HEATR4: variants seen among roughly 807,000 people sequenced by gnomAD.
HEATR4 encodes the protein HEAT repeat-containing protein 4.
A neutral mutation model predicts 108.8 loss-of-function variants in HEATR4; 95 were observed. The observed-to-expected ratio is 0.87, with a 90% CI of 0.74 to 1.04. The LOEUF (loss-of-function observed/expected upper bound fraction) is 1.04. Among genes scored for constraint, HEATR4 ranks in the 50% least tolerant of loss-of-function variants. HEATR4 has a pLI of 0.00. For synonymous variants in HEATR4, 443 were observed against 459.4 expected (o/e 0.96, Z 0.46); for missense variants, 1,152 against 1,253.8 (o/e 0.92, Z 1.23).
At chr14:73,489,446 ACTGTAGTCTAATATG>A (rs1292902891) in intron 17 of HEATR4, among the ~76,000 whole-genome samples, 2 of 152,234 alleles carry the variant, frequency 1.3e-5, no homozygotes, top group African/African-American at 4.8e-5. Flanking sequence ...GAGGCCATGT[ACTGTAGTCTAATATG>A]CTTATCATTG....
At chr14:73,489,013 A>G (rs527881808) in intron 17 of HEATR4, among the ~76,000 whole-genome samples, 3 of 152,196 alleles carry the variant, frequency 2.0e-5, no homozygotes, top group Non-Finnish European at 4.4e-5. Flanking sequence ...TAACACAGCA[A>G]GACCCTGTCT....
chr14:73,564,865 C>A, the HEATR4 span, among the ~76,000 whole-genome samples: 1 of 151,518 alleles, frequency 6.6e-6, no homozygotes, highest in Non-Finnish European at 1.5e-5. Flanking sequence ...CCACTGCACC[C>A]AGCTACTGGT....
At position 73,532,737 on chromosome 14, in the gene HEATR4, A is replaced by G. The variant is rs537891439; in HGVS notation, c.-151-2493T>C. Among the ~76,000 whole-genome samples the G allele has an allele frequency of 2.3e-4, 26 of 114,436 alleles. 8 individuals are homozygous for G. Among genetic ancestry groups the G allele is most frequent in the East Asian group, 1.4e-3 (2 of 1,448 alleles). 75.1% of individuals were successfully genotyped at this position (114,436 alleles called of 152,430 possible). A position where few individuals can be genotyped will look rare whatever the true frequency, so the allele number is the denominator to read the frequency against. ...TGGGAGGCCAAGGTGGGCAGATCAC[A>G]AGGTCAGGAGATTGAAACCATCCTA... On this transcript the variant is annotated intron_variant, in intron 1 of 17. Transcript: ENST00000553558.
intron 8 of HEATR4, among the ~76,000 whole-genome samples, chr14:73,508,983 C>T (rs1323697323): frequency 2.6e-5 from 4 of 151,986 alleles, no homozygotes; most frequent in African/African-American, 9.7e-5. Flanking sequence ...AGGTCTGCCT[C>T]AGCCTCCTAG....
chr14:73,624,055 G>T, the HEATR4 span, among the ~76,000 whole-genome samples: 1 of 152,124 alleles, frequency 6.6e-6, no homozygotes, highest in Admixed American at 6.6e-5. Context: ...GGGAGCCTGA[G>T]GTGGGAGGAT....
At chr14:73,499,373 C>T (rs1032100764) in intron 12 of HEATR4, among the ~76,000 whole-genome samples, 1 of 151,956 alleles carries the variant, frequency 6.6e-6, no homozygotes, top group Non-Finnish European at 1.5e-5. Context: ...CCCAGCTACT[C>T]GGAGGCTGAG....
chr14:73,532,799 CA>C (rs1355460741), intron 1 of HEATR4, among the ~76,000 whole-genome samples: 1 of 111,630 alleles, frequency 9.0e-6, no homozygotes. Context: ...CTAAAACATA[CA>C]AAAAAATTAG....
chr14:73,548,309 A>G (rs1198278089), intron 1 of HEATR4, among the ~76,000 whole-genome samples: 1 of 115,044 alleles, frequency 8.7e-6, no homozygotes, highest in Non-Finnish European at 1.9e-5. Context: ...ATTTGCAAAT[A>G]TTTCCACTCT....
the HEATR4 span, among the ~76,000 whole-genome samples, chr14:73,589,747 G>GC: frequency 6.6e-6 from 1 of 152,308 alleles, no homozygotes; most frequent in African/African-American, 2.4e-5. Context: ...CAACAACGAA[G>GC]CCACAGACCC....
the HEATR4 span, chr14:73,573,346 A>G: frequency 1.3e-4 from 209 of 1,612,300 alleles, 6 homozygotes; most frequent in South Asian, 2.3e-3. Flanking sequence ...CAACTGTTTC[A>G]GGAATAGCTT....
chr14:73,586,194 G>C, the HEATR4 span, among the ~76,000 whole-genome samples: 1 of 151,678 alleles, frequency 6.6e-6, no homozygotes, highest in Non-Finnish European at 1.5e-5. Flanking sequence ...GGGAGTTCAA[G>C]ACCAGCCTGA....
the HEATR4 span, among the ~76,000 whole-genome samples, chr14:73,587,755 C>G: frequency 1.3e-5 from 2 of 152,220 alleles, no homozygotes; most frequent in Non-Finnish European, 1.5e-5. Flanking sequence ...TCTCCCCTGA[C>G]TTGTTTCCAC....
At chr14:73,496,555 G>A in intron 15 of HEATR4, 46 bp downstream of exon 15, 1 of 1,193,850 alleles carries the variant, frequency 8.4e-7, no homozygotes, top group Admixed American at 1.7e-5. Flanking sequence ...AGGAACTCTT[G>A]AGAGTCCTGA....
the HEATR4 span, among the ~76,000 whole-genome samples, chr14:73,601,964 G>A: frequency 1.3e-5 from 2 of 150,144 alleles, no homozygotes; most frequent in East Asian, 1.9e-4. Flanking sequence ...TTTTTGAGAC[G>A]GAGTCTAAAT....
the HEATR4 span, chr14:73,595,671 T>C: frequency 2.0e-6 from 3 of 1,511,128 alleles, no homozygotes; most frequent in Non-Finnish European, 2.7e-6. Flanking sequence ...TGTCTGTTGT[T>C]GACATGAGAG....
At chr14:73,563,215 T>C (rs534307141), upstream of HEATR4, among the ~76,000 whole-genome samples, 10 of 151,980 alleles carry the variant, frequency 6.6e-5, 1 homozygote, top group Admixed American at 3.3e-4. Context: ...CCGACTCTTA[T>C]AGAAAATAGA....
the HEATR4 span, among the ~76,000 whole-genome samples, chr14:73,627,126 A>G: frequency 1.3e-5 from 2 of 151,614 alleles, no homozygotes; most frequent in Admixed American, 6.6e-5. Context: ...TGCACCAGGC[A>G]TAGACTTCTC....
At chr14:73,509,727 C>T (rs533824033) in intron 7 of HEATR4, among the ~76,000 whole-genome samples, 2 of 145,574 alleles carry the variant, frequency 1.4e-5, no homozygotes, top group East Asian at 2.0e-4. Flanking sequence ...ATATTTAAGC[C>T]GAAGAAGAAT....
the HEATR4 span, among the ~76,000 whole-genome samples, chr14:73,589,399 A>T: frequency 1.3e-5 from 2 of 152,010 alleles, no homozygotes; most frequent in Admixed American, 1.3e-4. Flanking sequence ...AGCTTACTGC[A>T]ACCTCTGCCT....
Sources: gnomAD v4.1 joint callset for allele counts (sites outside exome capture counted in the v4.1 genomes callset) on GRCh38, gnomAD v4.1.1 for gene constraint, MANE v1.5 for transcripts, NCBI Gene and HGNC (gene_info 2026-07-23, HGNC 2026-07-21) for gene names.